Variants in SIRT4 observed in about 807,000 individuals in gnomAD.
SIRT4 encodes the protein sirtuin 4.
SIRT4 carries 23 observed loss-of-function variants against 26.1 expected under a neutral mutation model. The ratio of observed to expected loss-of-function variants is 0.88; its 90% CI spans 0.63 to 1.25. The LOEUF (loss-of-function observed/expected upper bound fraction) is 1.25, where lower values mean the gene tolerates loss of function less well. SIRT4 is among the 50% of genes most tolerant of loss of function. The pLI is 0.00. For missense variants in SIRT4, 361 were observed against 405.4 expected (o/e 0.89, Z 0.94); for synonymous variants, 155 against 158.4 (o/e 0.98, Z 0.16).
the SIRT4 span, chr12:120,291,846 G>GCAATAATCGC: frequency 6.6e-6 from 1 of 152,122 alleles, no homozygotes; most frequent in South Asian, 2.1e-4. Context: ...TTTTCAATTA[G>GCAATAATCGC]CAATAATCGC....
chr12:120,312,930 T>C lies in SIRT4; in HGVS notation c.839T>C (p.Leu280Pro). 4 of 1,614,134 alleles carry C rather than the reference T, an allele frequency of 2.5e-6. No individual in the cohort carries two copies. The highest frequency in any genetic ancestry group is 3.4e-6 in the Non-Finnish European group (4 of 1,180,030). ...ATCCTCACTGCCTGGGAGAAGAAGCTCCCGATTGCAATACTGAACATTGGG... is the reference window on the plus strand; with the variant it reads ...ATCCTCACTGCCTGGGAGAAGAAGCCCCCGATTGCAATACTGAACATTGGG... The part of the protein sequence containing the change: ...RFILTAWEKK[L>P]PIAILNIGPT... Residue 280 changes from leucine (L) to proline (P), a missense_variant, in exon 4 of 4, where the codon CTC (leucine) becomes CCC (proline). Transcript: ENST00000202967.
At chr12:120,304,650 AG>A (rs1202670188) in intron 2 of SIRT4, among the ~76,000 whole-genome samples, 1 of 151,254 alleles carries the variant, frequency 6.6e-6, no homozygotes, top group Non-Finnish European at 1.5e-5. Flanking sequence ...AAAGAAAAAA[AG>A]AAAAAAAAAA....
At position 120,311,586 on chromosome 12, in the gene SIRT4, T is replaced by G. The variant is rs1872974410; in HGVS notation, c.498-870T>G. 2.0e-5 allele frequency among the ~76,000 whole-genome samples: 3 copies of G among 148,786 alleles called. No individual in the cohort carries two copies. In the Admixed American group the frequency reaches 2.0e-4, roughly 10 times the overall value. On this transcript the variant is annotated intron_variant, in intron 2 of 3. Transcript: ENST00000202967. ...GTCTCTACTAAAAATACAAAAAAAA[T>G]TAGTCGGGTGTGGTAGAGCCTGCCT... is the stretch of plus-strand genomic sequence containing the variant.
intron 2 of SIRT4, among the ~76,000 whole-genome samples, chr12:120,304,800 ATT>A (rs1426417460): frequency 5.2e-4 from 41 of 79,496 alleles, no homozygotes; most frequent in East Asian, 3.5e-3. Context: ...AGTAAAGTAA[ATT>A]TTATATATAT....
intron 1 of SIRT4, 45 bp from the exon 2 acceptor site, chr12:120,303,516 A>T: frequency 6.5e-7 from 1 of 1,539,480 alleles, no homozygotes; most frequent in East Asian, 2.2e-5. Flanking sequence ...ATGAGAAAAA[A>T]AAAAAACCAC....
intron 2 of SIRT4, among the ~76,000 whole-genome samples, chr12:120,307,676 C>G (rs903649929): frequency 5.3e-5 from 8 of 151,792 alleles, no homozygotes; most frequent in African/African-American, 1.9e-4. Flanking sequence ...CTGACCAACA[C>G]AGTGAAACCC....
At chr12:120,306,370 G>A (rs963902144) in intron 2 of SIRT4, among the ~76,000 whole-genome samples, 12 of 151,980 alleles carry the variant, frequency 7.9e-5, no homozygotes, top group African/African-American at 2.9e-4. Context: ...AGCGACTCGG[G>A]AGGCTTAGAC....
upstream of SIRT4, among the ~76,000 whole-genome samples, chr12:120,299,119 G>A (rs1289007783): frequency 6.7e-6 from 1 of 149,538 alleles, no homozygotes; most frequent in Non-Finnish European, 1.5e-5. Flanking sequence ...TAGTCCGGAG[G>A]CTGAGGCAGG....
chr12:120,296,985 G>T, the SIRT4 span, among the ~76,000 whole-genome samples: 1 of 150,676 alleles, frequency 6.6e-6, no homozygotes, highest in Non-Finnish European at 1.5e-5. Flanking sequence ...AGCACTTTGG[G>T]AGGCCGAGGC....
At position 120,313,143 on chromosome 12, in the gene SIRT4, T is replaced by C. The variant is rs1258483610; in HGVS notation, c.*107T>C. On this transcript the variant is annotated 3_prime_UTR_variant, in exon 4 of 4. Transcript: ENST00000202967. ...AGATTCCAGTTCCCATTCAACAGAG[T>C]AGGGTGCACTGACAAAGTATAGAAG... is the stretch of plus-strand genomic sequence containing the variant. 2 of 1,264,084 alleles carry C rather than the reference T, an allele frequency of 1.6e-6. No individual in the cohort carries two copies. Among genetic ancestry groups the C allele is most frequent in the Non-Finnish European group, 2.3e-6 (2 of 885,528 alleles). 78.3% of individuals were successfully genotyped at this position (1,264,084 alleles called of 1,614,324 possible).
upstream of SIRT4, among the ~76,000 whole-genome samples, chr12:120,299,275 G>T (rs1872459772): frequency 6.6e-6 from 1 of 150,662 alleles, no homozygotes; most frequent in Admixed American, 6.6e-5. Context: ...AAAGTGGCGG[G>T]GTGCAGTGGC....
At chr12:120,304,842 T>A (rs1213063432) in intron 2 of SIRT4, among the ~76,000 whole-genome samples, 465 of 6,046 alleles carry the variant, frequency 0.077, 2 homozygotes, top group South Asian at 0.15. Flanking sequence ...TATATTTTTT[T>A]TTTTTTTTTT....
chr12:120,312,705 T>C lies in SIRT4; in HGVS notation c.747T>C (p.Arg249=), dbSNP rs1264532824. ...NPDKVDFVHK[R]VKEADSLLVV... is the part of the protein sequence containing the mutation. ...ACAAGGTTGATTTTGTGCACAAGCGTGTAAAAGAAGCCGACTCCCTCTTGG... is the reference window on the plus strand; with the variant it reads ...ACAAGGTTGATTTTGTGCACAAGCGCGTAAAAGAAGCCGACTCCCTCTTGG... Residue 249 remains arginine (R), a synonymous_variant, in exon 3 of 4, where the codon CGT becomes CGC. Coordinates refer to ENST00000202967, the MANE Select transcript of SIRT4 (RefSeq NM_012240.3). 5.6e-6 allele frequency: 9 copies of C among 1,613,898 alleles called. No homozygotes were observed. The highest frequency in any genetic ancestry group is 7.6e-6 in the Non-Finnish European group (9 of 1,180,020).
At chr12:120,300,924 C>G (rs1872518076), upstream of SIRT4, among the ~76,000 whole-genome samples, 1 of 152,088 alleles carries the variant, frequency 6.6e-6, no homozygotes, top group Non-Finnish European at 1.5e-5. Flanking sequence ...ATCAGAATCC[C>G]TGGGAGTGAG....
At chr12:120,298,908 A>AAAATGAAT (rs1555327995), upstream of SIRT4, among the ~76,000 whole-genome samples, 8 of 127,536 alleles carry the variant, frequency 6.3e-5, no homozygotes, top group South Asian at 2.2e-3. Context: ...TCCGTCTCAA[A>AAAATGAAT]AAATAAATAA....
chr12:120,293,049 C>CCT, the SIRT4 span: 1 of 149,464 alleles, frequency 6.7e-6, no homozygotes, highest in Non-Finnish European at 1.5e-5. Context: ...CCAAGCACCC[C>CCT]CACACACACA....
At chr12:120,312,341 G>A (rs1873011523) in intron 2 of SIRT4, 115 bp from the exon 3 acceptor site, 5 of 969,862 alleles carry the variant, frequency 5.2e-6, no homozygotes, top group Non-Finnish European at 7.8e-6. Flanking sequence ...GGGATTGTGT[G>A]TTAGGGAAAG....
intron 2 of SIRT4, among the ~76,000 whole-genome samples, chr12:120,311,458 G>A (rs1285758184): frequency 6.6e-6 from 1 of 151,724 alleles, no homozygotes; most frequent in Admixed American, 6.6e-5. Context: ...GGGGCCAGGT[G>A]CAGTGGCTCA....
At chr12:120,292,960 C>T in the SIRT4 span, 82 of 152,280 alleles carry the variant, frequency 5.4e-4, no homozygotes, top group African/African-American at 1.7e-3. Context: ...TGCAGGTGCT[C>T]TCGCGAATCA....
Sources: allele counts gnomAD v4.1 joint callset (sites outside exome capture counted in the v4.1 genomes callset), GRCh38; gene constraint gnomAD v4.1.1; transcripts MANE v1.5; gene names NCBI Gene and HGNC (gene_info 2026-07-23, HGNC 2026-07-21).